Variants in APOBEC3B observed in about 807,000 individuals in gnomAD.
The protein encoded by APOBEC3B is apolipoprotein B mRNA editing enzyme catalytic subunit 3B.
A neutral mutation model predicts 53.4 loss-of-function variants in APOBEC3B; 29 were observed. The ratio of observed to expected loss-of-function variants is 0.54; its 90% CI spans 0.40 to 0.74. The LOEUF (loss-of-function observed/expected upper bound fraction) is 0.74, where lower values mean the gene tolerates loss of function less well. Ranked by LOEUF, APOBEC3B falls within the 30% of genes least tolerant of loss-of-function variation. The pLI is 0.00. For missense variants in APOBEC3B, 347 were observed against 496.2 expected (o/e 0.70, Z 2.86); for synonymous variants, 132 against 184.8 (o/e 0.71, Z 2.32).
chr22:38,986,756 G>A (rs1923757715), intron 4 of APOBEC3B, among the ~76,000 whole-genome samples: 1 of 149,050 alleles, frequency 6.7e-6, no homozygotes, highest in African/African-American at 2.4e-5. Flanking sequence ...ACTCTGGGCA[G>A]GAGATGTGGA....
chr22:38,988,775 T>C lies in APOBEC3B; in HGVS notation c.570-682T>C, dbSNP rs117370744. 9.8e-5 allele frequency among the ~76,000 whole-genome samples: 14 copies of C among 143,286 alleles called. 1 individual carries two copies. The East Asian group carries it at 3.5e-3, about 36-fold the overall frequency. 94.0% of individuals were successfully genotyped at this position (143,286 alleles called of 152,430 possible). On this transcript the variant is annotated intron_variant, in intron 4 of 7. Coordinates refer to ENST00000333467, the MANE Select transcript of APOBEC3B (RefSeq NM_004900.5). ...TTTCTTCTCTCTCGTCTTTCTTCTT[T>C]TGCTGCTGCCTCCAAACAGAGATTT...
At chr22:38,983,255 T>G (rs1923603653) in intron 1 of APOBEC3B, among the ~76,000 whole-genome samples, 1 of 146,682 alleles carries the variant, frequency 6.8e-6, no homozygotes, top group African/African-American at 2.5e-5. Flanking sequence ...GAGGTGGAGG[T>G]TGCAGTGAGC....
rs1923999112 is a variant in APOBEC3B, at chr22:38,991,560, C to T, written c.952C>T (p.Leu318=). The part of the protein sequence containing the change: ...FAARIYDYDP[L]YKEALQMLRD... ...TGCCCGCATCTATGATTACGACCCC[C>T]TATATAAGGAGGCGCTGCAAATGCT... The change falls in exon 6 of 8, where the codon CTA becomes TTA. Residue 318 remains leucine (L), a synonymous_variant. Coordinates refer to ENST00000333467, the MANE Select transcript of APOBEC3B (RefSeq NM_004900.5). 1 of 1,592,180 alleles carries T rather than the reference C, an allele frequency of 6.3e-7. No individual in the cohort carries two copies. The highest frequency in any genetic ancestry group is 1.3e-5 in the African/African-American group (1 of 74,090).
At chr22:38,988,013 G>A (rs1281026337) in intron 4 of APOBEC3B, among the ~76,000 whole-genome samples, 1 of 148,462 alleles carries the variant, frequency 6.7e-6, no homozygotes, top group African/African-American at 2.5e-5. Context: ...CAGGAGAATC[G>A]CTTGAACCCG....
rs567100166 is a variant in APOBEC3B, at chr22:38,990,357, C to G, written c.723+747C>G. 4.1e-5 allele frequency among the ~76,000 whole-genome samples: 6 copies of G among 147,522 alleles called. 1 individual carries two copies. The highest frequency in any genetic ancestry group is 1.5e-4 in the African/African-American group (6 of 40,284). ...GTGGGACTCCCCCAGGAATGACCCA[C>G]AGCCCCTTCTCAGCACAAACCATGT... On this transcript the variant is annotated intron_variant, in intron 5 of 7. Coordinates refer to ENST00000333467, the MANE Select transcript of APOBEC3B (RefSeq NM_004900.5).
intron 1 of APOBEC3B, 127 bp downstream of exon 1, chr22:38,982,597 T>G (rs1276542929): frequency 1.9e-6 from 2 of 1,077,826 alleles, no homozygotes; most frequent in Non-Finnish European, 2.6e-6. Flanking sequence ...CTGGCTCCCC[T>G]GCCACACGAA....
chr22:38,986,135 C>T (rs780549179), intron 3 of APOBEC3B, 44 bp downstream of exon 3: 3 of 1,579,646 alleles, frequency 1.9e-6, no homozygotes, highest in African/African-American at 2.7e-5. Context: ...GGAGGAACAG[C>T]ATGAAAGATG....
At chr22:38,990,005 T>C (rs1465134874) in intron 5 of APOBEC3B, among the ~76,000 whole-genome samples, 1 of 142,100 alleles carries the variant, frequency 7.0e-6, no homozygotes, top group Non-Finnish European at 1.5e-5. Flanking sequence ...ATCAGGGGTT[T>C]TGTCCTGCCC....
rs142074582 is a variant in APOBEC3B, at chr22:38,986,091, G to A, written c.454G>A (p.Glu152Lys). 26 of 1,592,038 alleles carry A rather than the reference G, an allele frequency of 1.6e-5. 1 individual carries two copies. The African/African-American group carries it at 2.4e-4, about 15-fold the overall frequency. Residue 152 changes from glutamate to lysine, a missense_variant and splice_region_variant, in exon 3 of 8, where the codon GAA becomes AAA. Transcript: ENST00000333467. Reference protein sequence around the residue: ...GARVTIMDYEEFAYCWENFVY... With the variant: ...GARVTIMDYEKFAYCWENFVY... ...CCGCGTGACGATCATGGACTATGAA[G>A]GTGAGAGGTGGAGGGGTCAGGGGAG...
chr22:38,988,485 T>A (rs1439760298), intron 4 of APOBEC3B, among the ~76,000 whole-genome samples: 2 of 148,672 alleles, frequency 1.3e-5, no homozygotes, highest in Non-Finnish European at 3.0e-5. Flanking sequence ...CCCTAATATT[T>A]AGAAAAGGGT....
intron 7 of APOBEC3B, 52 bp from the exon 8 acceptor site, chr22:38,992,379 C>T (rs757123760): frequency 1.3e-6 from 2 of 1,587,820 alleles, no homozygotes; most frequent in African/African-American, 2.7e-5. Context: ...CTCCCTGTGC[C>T]CTCTTTCCAC....
chr22:38,989,050 T>C (rs994635310), intron 4 of APOBEC3B, among the ~76,000 whole-genome samples: 3 of 147,640 alleles, frequency 2.0e-5, no homozygotes, highest in African/African-American at 7.4e-5. Context: ...GTGGTAGGAG[T>C]TAACCCTGCA....
Position 38,982,511 on chromosome 22 carries a change from T to A in APOBEC3B, c.17+41T>A. ...CTGCCTGCTGGGCCCCTCCTGCCCC[T>A]TCCTGCCTGGTGGTCCTGCTGGGCC... On this transcript the variant is annotated intron_variant, in intron 1 of 7. Transcript: ENST00000333467. The A allele has an allele frequency of 1.9e-6, 3 of 1,590,864 alleles. 1 individual carries two copies. The South Asian group carries it at 3.4e-5, about 18-fold the overall frequency.
chr22:38,989,061 G>A (rs1340039457), intron 4 of APOBEC3B, among the ~76,000 whole-genome samples: 1 of 148,308 alleles, frequency 6.7e-6, no homozygotes, highest in African/African-American at 2.5e-5. Flanking sequence ...TAACCCTGCA[G>A]GCAGGAGGAA....
rs753668578 is a variant in APOBEC3B at position 38,982,411 on chromosome 22, A to G, written c.-43A>G. On this transcript the variant is annotated 5_prime_UTR_variant, in exon 1 of 8. Coordinates refer to ENST00000333467, the MANE Select transcript of APOBEC3B (RefSeq NM_004900.5). ...CAGGAAGTGAAACCACAGAGCTTCA[A>G]AAAAAGAGCGGGACAGGGACAAGCG... 7 of 1,592,924 alleles carry G rather than the reference A, an allele frequency of 4.4e-6. 2 individuals carry two copies. Among genetic ancestry groups the G allele is most frequent in the Admixed American group, 3.5e-5 (2 of 56,442 alleles).
intron 5 of APOBEC3B, among the ~76,000 whole-genome samples, chr22:38,990,510 C>T (rs1018010139): frequency 2.0e-5 from 3 of 147,968 alleles, no homozygotes; most frequent in Non-Finnish European, 4.5e-5. Flanking sequence ...AAATCCTTTT[C>T]TCTGAAGTTT....
Position 38,985,993 on chromosome 22 carries a change from C to T in APOBEC3B, c.356C>T (p.Ser119Phe), listed in dbSNP as rs1603267767. Residue 119 changes from serine (S) to phenylalanine (F), a missense_variant, in exon 3 of 8, where the codon TCT becomes TTT. Ser to Phe is a radical substitution (Grantham distance 155). This residue lies in a region of APOBEC3B where 156 missense variants were observed against 166.7 expected (regional missense o/e 0.94). Transcript: ENST00000333467. Reference sequence around the variant, plus strand: ...CACCCCAATGTCACCCTGACCATCTCTGCCGCCCGCCTCTACTACTACTGG... The same window carrying T: ...CACCCCAATGTCACCCTGACCATCTTTGCCGCCCGCCTCTACTACTACTGG... ...SEHPNVTLTI[S>F]AARLYYYWER... 1 of 1,592,746 alleles carries T rather than the reference C, an allele frequency of 6.3e-7. No homozygotes were observed. Among genetic ancestry groups the T allele is most frequent in the Non-Finnish European group, 8.5e-7 (1 of 1,172,368 alleles).
At chr22:38,984,895 C>CTTTTTTTT in intron 2 of APOBEC3B, among the ~76,000 whole-genome samples, 1 of 84,816 alleles carries the variant, frequency 1.2e-5, no homozygotes, top group South Asian at 4.8e-4. Context: ...TCTTTTTTTC[C>CTTTTTTTT]TTTTTTTTTT....
In APOBEC3B at chr22:38,992,477, G is replaced by A. The variant is rs542090684; in HGVS notation, c.*32G>A. ...GGCCTCAGTCTCTAAGGAAGGCAGA[G>A]ACCTGGGTTGAGCAGCAGAATAAAA... On this transcript the variant is annotated 3_prime_UTR_variant, in exon 8 of 8. Transcript: ENST00000333467. The A allele has an allele frequency of 5.2e-6, 8 of 1,528,808 alleles. No homozygotes were observed. In the African/African-American group the frequency reaches 8.3e-5, roughly 16 times the overall value. The allele number at this position is 1,528,808 out of a possible 1,614,324, so 94.7% of individuals were successfully genotyped here.
Sources: allele counts gnomAD v4.1 joint callset (sites outside exome capture counted in the v4.1 genomes callset), GRCh38; gene constraint gnomAD v4.1.1; regional missense constraint gnomAD v4.1.1; transcripts MANE v1.5; gene names NCBI Gene and HGNC (gene_info 2026-07-23, HGNC 2026-07-21).